The following ZNF536 variants were observed in gnomAD, a reference collection of about 807,000 sequenced individuals.
ZNF536 encodes the protein zinc finger protein 536.
In ZNF536, 13 loss-of-function variants were observed where a neutral mutation model predicts 84.5. That is an observed-to-expected ratio of 0.15 (90% CI 0.10 to 0.24). The LOEUF (loss-of-function observed/expected upper bound fraction) is 0.24. Among genes scored for constraint, ZNF536 ranks in the 10% least tolerant of loss-of-function variants. The pLI is 1.00. For synonymous variants in ZNF536, 811 were observed against 742.5 expected, an observed-to-expected ratio of 1.09 and a Z score of -1.50; for missense variants, 1,536 against 1,747.5, an observed-to-expected ratio of 0.88 and a Z score of 2.16.
At chr19:30,297,903 T>G (rs1228276597) in intron 2 of ZNF536, among the ~76,000 whole-genome samples, 16 of 126,368 alleles carry the variant, frequency 1.3e-4, no homozygotes, top group Admixed American at 4.3e-4. Context: ...CAAGACGGAG[T>G]CCCCCCCCCC....
chr19:30,660,743 A>G (rs2050093112), intron 1 of ZNF536, among the ~76,000 whole-genome samples: 1 of 152,184 alleles, frequency 6.6e-6, no homozygotes, highest in South Asian at 2.1e-4. Context: ...TGGCCTGAGT[A>G]TTGGATTTGT....
chr19:30,405,443 T>C (rs1279385757), intron 1 of ZNF536, among the ~76,000 whole-genome samples: 2 of 152,122 alleles, frequency 1.3e-5, no homozygotes, highest in African/African-American at 2.4e-5. Flanking sequence ...ACTTGGGGTC[T>C]CCCTGTGCCT....
In ZNF536 at chr19:30,287,269, G is replaced by A. The variant is rs1220934555; in HGVS notation, c.-120+3128G>A. Among the ~76,000 whole-genome samples, 4 of 150,692 alleles carry A rather than the reference G, an allele frequency of 2.7e-5. No homozygotes were observed. In the South Asian group the frequency reaches 8.5e-4, roughly 32 times the overall value. On this transcript the variant is annotated intron_variant, in intron 2 of 5. Coordinates refer to the ZNF536 transcript ENST00000585628. ...TGGGTGGGTAGGGTGATGGATGGAT[G>A]GATTGATGAATGGATGGCTGGATGG... is the stretch of plus-strand genomic sequence containing the variant.
intron 2 of ZNF536, among the ~76,000 whole-genome samples, chr19:30,294,221 G>A (rs2045929110): frequency 6.6e-6 from 1 of 152,190 alleles, no homozygotes; most frequent in South Asian, 2.1e-4. Context: ...AGTTTTAGCT[G>A]GGGAGGTAGA....
chr19:30,630,443 G>A (rs1178052283), intron 1 of ZNF536, among the ~76,000 whole-genome samples: 4 of 152,164 alleles, frequency 2.6e-5, no homozygotes, highest in East Asian at 1.9e-4. Context: ...GTGTACCTGC[G>A]TGTGTGCACA....
At chr19:30,447,555 G>A (rs2052410914) in intron 2 of ZNF536, among the ~76,000 whole-genome samples, 3 of 152,198 alleles carry the variant, frequency 2.0e-5, no homozygotes, top group Non-Finnish European at 4.4e-5. Context: ...AGCAGCATGA[G>A]TGCCAAGGAG....
rs2025819320 is a variant in ZNF536 at position 30,271,251 on chromosome 19, C to T, written c.-189-12821C>T. On this transcript the variant is annotated intron_variant, in intron 1 of 5. Transcript: ENST00000585628. ...TTTGCACACCCTGTACTGAGCACTG[C>T]TTGCAGAGTACATGCTTCTGGAAGC... Among the ~76,000 whole-genome samples the T allele has an allele frequency of 4.8e-5, 7 of 144,964 alleles. No individual in the cohort carries two copies. The South Asian group carries it at 1.3e-3, about 28-fold the overall frequency.
chr19:30,575,656 C>CG (rs2046704758), intron 1 of ZNF536, among the ~76,000 whole-genome samples: 1 of 152,152 alleles, frequency 6.6e-6, no homozygotes, highest in Admixed American at 6.5e-5. Flanking sequence ...AATGGAATAA[C>CG]GGGTAGGTTA....
rs776585198 is a variant in ZNF536 at position 30,445,662 on chromosome 19, C to G, written c.2100C>G (p.Val700=). 5.0e-6 allele frequency: 8 copies of G among 1,608,728 alleles called. No homozygotes were observed. Among genetic ancestry groups the G allele is most frequent in the African/African-American group, 4.0e-5 (3 of 74,868 alleles). The stretch of plus-strand genomic sequence containing the variant: ...CTAACGTCACCGAGGAGAGCGGGGT[C>G]GGAGGCGGCCTCTCCCAGACCGGGA... ...GSSNVTEESG[V]GGGLSQTGSA... is the part of the protein sequence containing the mutation. Residue 700 remains valine (V), a synonymous_variant, in exon 2 of 5, where the codon GTC becomes GTG. Transcript: ENST00000355537. This position sits in a 1 kb window ranked among gnomAD's most constrained non-coding sequence, Gnocchi z 4.5.
intron 2 of ZNF536, among the ~76,000 whole-genome samples, chr19:30,312,575 T>TA (rs1208508673): frequency 1.1e-4 from 17 of 152,220 alleles, no homozygotes; most frequent in Admixed American, 2.0e-4. Context: ...AAAATACAAA[T>TA]AAAAATCATA....
intron 1 of ZNF536, among the ~76,000 whole-genome samples, chr19:30,681,397 G>T (rs528963862): frequency 5.9e-5 from 9 of 152,206 alleles, no homozygotes; most frequent in Non-Finnish European, 1.2e-4. Context: ...GGACTGAGGG[G>T]CATCACAGGG....
chr19:30,390,779 G>A (rs1007155541), intron 1 of ZNF536, among the ~76,000 whole-genome samples: 4 of 152,132 alleles, frequency 2.6e-5, no homozygotes, highest in Non-Finnish European at 4.4e-5. Flanking sequence ...CTGGGAGGCC[G>A]GAGCTCTTGG....
At chr19:30,495,908 T>C (rs750427607) in intron 2 of ZNF536, among the ~76,000 whole-genome samples, 2 of 152,158 alleles carry the variant, frequency 1.3e-5, no homozygotes, top group Non-Finnish European at 2.9e-5. Flanking sequence ...TAATGGGCAG[T>C]GGATCTTATC....
intron 1 of ZNF536, among the ~76,000 whole-genome samples, chr19:30,595,380 T>A (rs2146850874): frequency 6.6e-6 from 1 of 152,248 alleles, no homozygotes; most frequent in Middle Eastern, 3.4e-3. Context: ...CTTGATCTCC[T>A]CAGTTCAAGC....
At chr19:30,616,427 C>T (rs1413057605) in intron 1 of ZNF536, among the ~76,000 whole-genome samples, 1 of 152,136 alleles carries the variant, frequency 6.6e-6, no homozygotes, top group Non-Finnish European at 1.5e-5. Context: ...AAATATTTTT[C>T]TCTGACATAA....
chr19:30,386,641 A>T (rs1160522552), intron 1 of ZNF536, among the ~76,000 whole-genome samples: 1 of 152,144 alleles, frequency 6.6e-6, no homozygotes, highest in African/African-American at 2.4e-5. Context: ...GCCTCCCAAA[A>T]TGTTGGGATT....
chr19:30,465,359 CT>C (rs2053339439), intron 2 of ZNF536, among the ~76,000 whole-genome samples: 1 of 152,196 alleles, frequency 6.6e-6, no homozygotes, highest in Admixed American at 6.5e-5. Context: ...CAGTCACCCC[CT>C]GAAGATGTTT....
At chr19:30,387,333 C>T (rs370109972) in intron 1 of ZNF536, among the ~76,000 whole-genome samples, 15 of 152,336 alleles carry the variant, frequency 9.8e-5, no homozygotes, top group African/African-American at 2.2e-4. Flanking sequence ...TGAGCAGGAC[C>T]GTGGGGACCC....
chr19:30,445,129 G>A lies in ZNF536; in HGVS notation c.1567G>A (p.Ala523Thr), dbSNP rs1236202365. 4 of 1,613,892 alleles carry A rather than the reference G, an allele frequency of 2.5e-6. No homozygotes were observed. Among genetic ancestry groups the A allele is most frequent in the Non-Finnish European group, 3.4e-6 (4 of 1,180,058 alleles). The stretch of plus-strand genomic sequence containing the variant: ...GATGGACCCCGTGAACAGCTACCAG[G>A]CTTGGCAGCTCATGGCCAGGGGCAT... ...AEMDPVNSYQ[A>T]WQLMARGMAM... The change falls in exon 2 of 5, where the codon GCT becomes ACT. Residue 523 changes from alanine to threonine, a missense_variant. This residue lies in a region of ZNF536 where 366 missense variants were observed against 364.4 expected (regional missense o/e 1.00). Transcript: ENST00000355537. This position sits in a 1 kb window ranked among gnomAD's most constrained non-coding sequence, Gnocchi z 4.5.
Sources: gnomAD v4.1 joint callset for allele counts (sites outside exome capture counted in the v4.1 genomes callset) on GRCh38, gnomAD v4.1.1 for gene constraint, gnomAD v4.1.1 regional missense constraint, Gnocchi (gnomAD v3.1) non-coding constraint, MANE v1.5 for transcripts, NCBI Gene and HGNC (gene_info 2026-07-23, HGNC 2026-07-21) for gene names.